The following TMEM132D variants were observed in gnomAD, a reference collection of about 807,000 sequenced individuals.
The protein encoded by TMEM132D is mature OL transmembrane protein.
TMEM132D carries 21 observed loss-of-function variants against 62.3 expected under a neutral mutation model. The observed-to-expected ratio is 0.34, with a 90% CI of 0.24 to 0.49. The LOEUF is 0.49. TMEM132D is among the 20% of genes least tolerant of loss of function. The probability of loss-of-function intolerance (pLI) is 0.99; values close to 1 mark genes in which losing one functional copy is unlikely to be tolerated. For synonymous variants in TMEM132D, 621 were observed against 575.6 expected (o/e 1.08, Z -1.13); for missense variants, 1,346 against 1,402.8 (o/e 0.96, Z 0.65).
intron 3 of TMEM132D, among the ~76,000 whole-genome samples, chr12:129,518,176 G>A (rs545243607): frequency 7.1e-6 from 1 of 140,266 alleles, no homozygotes; most frequent in Admixed American, 7.3e-5. Flanking sequence ...TGAAGGAAAT[G>A]CATAGTTTTT....
chr12:129,113,536 C>T (rs989326076), intron 5 of TMEM132D, among the ~76,000 whole-genome samples: 5 of 152,038 alleles, frequency 3.3e-5, no homozygotes, highest in Non-Finnish European at 7.4e-5. Flanking sequence ...GGAAAAATGA[C>T]AATCAGTAAT....
chr12:129,477,720 C>G (rs1327819178), intron 3 of TMEM132D, among the ~76,000 whole-genome samples: 3 of 151,992 alleles, frequency 2.0e-5, no homozygotes, highest in African/African-American at 7.3e-5. Flanking sequence ...ACTGGGGAGG[C>G]TGAGGCAGGA....
intron 4 of TMEM132D, among the ~76,000 whole-genome samples, chr12:129,284,851 G>A (rs549065836): frequency 1.3e-5 from 2 of 152,346 alleles, no homozygotes; most frequent in East Asian, 3.9e-4. Context: ...CAATTTGTAG[G>A]AAATATCTGG....
chr12:129,601,999 T>C (rs1404146040), intron 2 of TMEM132D, among the ~76,000 whole-genome samples: 1 of 151,988 alleles, frequency 6.6e-6, no homozygotes, highest in Admixed American at 6.5e-5. Context: ...CATGACAAAA[T>C]AAATTATGCT....
chr12:129,308,239 T>C (rs1290309712), intron 4 of TMEM132D, among the ~76,000 whole-genome samples: 9 of 152,232 alleles, frequency 5.9e-5, no homozygotes, highest in Admixed American at 5.2e-4. Context: ...TACTGACTTA[T>C]TCATTTACTT....
chr12:129,517,503 T>C (rs1224826930), intron 3 of TMEM132D, among the ~76,000 whole-genome samples: 1 of 152,106 alleles, frequency 6.6e-6, no homozygotes, highest in African/African-American at 2.4e-5. Context: ...GCCAGGGCCA[T>C]TCAGTGGGGA....
intron 8 of TMEM132D, among the ~76,000 whole-genome samples, chr12:129,077,857 CAA>C (rs1593252179): frequency 6.6e-6 from 1 of 150,722 alleles, no homozygotes; most frequent in African/African-American, 2.5e-5. Context: ...AATACTGACA[CAA>C]GACACACACA....
At chr12:129,723,623 G>A (rs908876666) in intron 1 of TMEM132D, among the ~76,000 whole-genome samples, 1 of 152,222 alleles carries the variant, frequency 6.6e-6, no homozygotes, top group African/African-American at 2.4e-5. Flanking sequence ...ACTGGGGTCT[G>A]TGATGCAGCT....
intron 5 of TMEM132D, among the ~76,000 whole-genome samples, chr12:129,141,976 G>A (rs921629614): frequency 5.4e-5 from 8 of 147,874 alleles, no homozygotes; most frequent in African/African-American, 2.0e-4. Context: ...TATTTATAAA[G>A]TATTAGATAA....
intron 2 of TMEM132D, among the ~76,000 whole-genome samples, chr12:129,570,606 GAT>G (rs1877485667): frequency 6.6e-6 from 1 of 152,220 alleles, no homozygotes. Flanking sequence ...ACAGGCATCT[GAT>G]CGGGGCTGCT....
intron 3 of TMEM132D, among the ~76,000 whole-genome samples, chr12:129,341,952 C>T (rs1593344092): frequency 6.6e-6 from 1 of 152,272 alleles, no homozygotes; most frequent in Admixed American, 6.5e-5. Flanking sequence ...AAGAACATTC[C>T]ATGCTCATGG....
chr12:129,782,266 A>G (rs1871141016), intron 1 of TMEM132D, among the ~76,000 whole-genome samples: 1 of 152,182 alleles, frequency 6.6e-6, no homozygotes, highest in Admixed American at 6.5e-5. Flanking sequence ...AGAAGTTTCC[A>G]GTTTTGGAGC....
At chr12:129,301,007 G>A (rs1157509526) in intron 4 of TMEM132D, among the ~76,000 whole-genome samples, 4 of 152,134 alleles carry the variant, frequency 2.6e-5, no homozygotes, top group Middle Eastern at 3.4e-3. Flanking sequence ...ACAAATGATC[G>A]AGAATCATCT....
rs1376939798 is a variant in TMEM132D, at chr12:129,190,167, G to A, written c.1443+19353C>T. On this transcript the variant is annotated intron_variant, in intron 5 of 8. Transcript: ENST00000422113. ...GGGGTCTCAGGCCTGCAGATGGAGGGAGGGAGTCTCAGGCCTGCAGATGGA... is the reference window on the plus strand; with the variant it reads ...GGGGTCTCAGGCCTGCAGATGGAGGAAGGGAGTCTCAGGCCTGCAGATGGA... Among the ~76,000 whole-genome samples, 285 of 59,642 alleles carry A rather than the reference G, an allele frequency of 4.8e-3. 1 individual carries two copies. Among genetic ancestry groups the A allele is most frequent in the Middle Eastern group, 7.9e-3 (1 of 126 alleles). The allele number at this position is 59,642 out of a possible 152,430, so 39.1% of individuals were successfully genotyped here.
At chr12:129,601,975 A>T (rs1878494475) in intron 2 of TMEM132D, among the ~76,000 whole-genome samples, 1 of 152,224 alleles carries the variant, frequency 6.6e-6, no homozygotes, top group Admixed American at 6.5e-5. Flanking sequence ...TCTGCAAATC[A>T]TAATAAAGCA....
intron 2 of TMEM132D, among the ~76,000 whole-genome samples, chr12:129,696,722 G>C (rs769589775): frequency 2.0e-5 from 3 of 152,208 alleles, no homozygotes; most frequent in Admixed American, 2.0e-4. Flanking sequence ...GCTCTCAGTG[G>C]GGGAGGGACA....
intron 2 of TMEM132D, among the ~76,000 whole-genome samples, chr12:129,644,995 A>G (rs1194079835): frequency 2.6e-5 from 4 of 151,304 alleles, no homozygotes; most frequent in African/African-American, 9.7e-5. Context: ...AAAAAAAAAA[A>G]AAAAAAAAAA....
At chr12:129,077,723 AAT>A (rs755288847) in intron 8 of TMEM132D, among the ~76,000 whole-genome samples, 1 of 151,318 alleles carries the variant, frequency 6.6e-6, no homozygotes, top group African/African-American at 2.5e-5. Flanking sequence ...ACAAACAACA[AAT>A]AGACACATGC....
chr12:129,087,370 T>A (rs935656822), intron 5 of TMEM132D, among the ~76,000 whole-genome samples: 1 of 151,754 alleles, frequency 6.6e-6, no homozygotes, highest in African/African-American at 2.4e-5. Flanking sequence ...TATCCATTCA[T>A]CCACTGAGAG....
Sources: allele counts gnomAD v4.1 joint callset (sites outside exome capture counted in the v4.1 genomes callset), GRCh38; gene constraint gnomAD v4.1.1; transcripts MANE v1.5; gene names NCBI Gene and HGNC (gene_info 2026-07-23, HGNC 2026-07-21).